The following SCFD2 variants were observed in gnomAD, a reference collection of about 807,000 sequenced individuals.
SCFD2 encodes sec1 family domain-containing protein 2.
In SCFD2, 54 loss-of-function variants were observed where a neutral mutation model predicts 58.9. The ratio of observed to expected loss-of-function variants is 0.92; its 90% CI spans 0.74 to 1.15. SCFD2 has a LOEUF of 1.15. Ranked by LOEUF, SCFD2 falls within the 50% of genes most tolerant of loss-of-function variation. SCFD2 has a pLI of 0.00. For synonymous variants in SCFD2, 321 were observed against 335.9 expected (o/e 0.96, Z 0.49); for missense variants, 805 against 836.6 (o/e 0.96, Z 0.47).
intron 2 of SCFD2, among the ~76,000 whole-genome samples, chr4:53,321,228 T>C (rs1733012851): frequency 1.3e-5 from 2 of 152,152 alleles, no homozygotes; most frequent in African/African-American, 4.8e-5. Context: ...TGGCTCTTTA[T>C]TCACCAGAAT....
At chr4:53,195,591 C>T (rs1728035362) in intron 4 of SCFD2, among the ~76,000 whole-genome samples, 2 of 152,226 alleles carry the variant, frequency 1.3e-5, no homozygotes, top group South Asian at 4.2e-4. Context: ...TTTTAAGGTG[C>T]ATTTAAAATA....
intron 5 of SCFD2, among the ~76,000 whole-genome samples, chr4:53,096,459 T>A (rs1724638182): frequency 6.6e-6 from 1 of 152,250 alleles, no homozygotes; most frequent in Non-Finnish European, 1.5e-5. Context: ...TGCATTTCTC[T>A]GATGGCCAGT....
chr4:53,084,403 G>A (rs1335408177), intron 5 of SCFD2, among the ~76,000 whole-genome samples: 1 of 151,928 alleles, frequency 6.6e-6, no homozygotes, highest in Non-Finnish European at 1.5e-5. Flanking sequence ...CATAAAAATC[G>A]CTGTTATTCT....
At chr4:53,292,423 T>C (rs1172224335) in intron 3 of SCFD2, among the ~76,000 whole-genome samples, 2 of 152,118 alleles carry the variant, frequency 1.3e-5, no homozygotes, top group African/African-American at 2.4e-5. Flanking sequence ...AAAGAAGACA[T>C]ACATGCAGCC....
At chr4:53,212,575 C>CGTGTGTGTGTGTGT (rs72335886) in intron 4 of SCFD2, among the ~76,000 whole-genome samples, 93 of 142,262 alleles carry the variant, frequency 6.5e-4, no homozygotes, top group Non-Finnish European at 1.1e-3. Flanking sequence ...AAAGTGAGCA[C>CGTGTGTGTGTGTGT]GTGTGTGTGT....
chr4:53,301,761 G>T (rs1208179898), intron 3 of SCFD2, among the ~76,000 whole-genome samples: 1 of 152,150 alleles, frequency 6.6e-6, no homozygotes, highest in African/African-American at 2.4e-5. Context: ...CCATGATCAA[G>T]TGGGCTTCAT....
chr4:53,162,869 AT>A (rs1227178689), intron 4 of SCFD2, among the ~76,000 whole-genome samples: 7 of 151,680 alleles, frequency 4.6e-5, no homozygotes, highest in Admixed American at 2.0e-4. Context: ...ATAAAATAAA[AT>A]AAAAAATAAA....
chr4:53,103,632 A>G (rs912192717), intron 5 of SCFD2, among the ~76,000 whole-genome samples: 5 of 149,278 alleles, frequency 3.3e-5, no homozygotes, highest in Non-Finnish European at 7.4e-5. Flanking sequence ...AGCAATGAGC[A>G]TATCTAGTAC....
At chr4:53,266,991 C>T (rs756430977) in intron 4 of SCFD2, among the ~76,000 whole-genome samples, 2 of 152,212 alleles carry the variant, frequency 1.3e-5, no homozygotes, top group Non-Finnish European at 2.9e-5. Flanking sequence ...ACAAATCTTA[C>T]AAATAGTCCT....
intron 5 of SCFD2, among the ~76,000 whole-genome samples, chr4:53,034,946 A>C (rs962795194): frequency 6.6e-6 from 1 of 152,244 alleles, no homozygotes; most frequent in African/African-American, 2.4e-5. Flanking sequence ...GCCTCCACTG[A>C]CTTTCTTCAC....
intron 3 of SCFD2, among the ~76,000 whole-genome samples, chr4:53,292,897 G>A (rs138282847): frequency 0.015 from 2,272 of 152,058 alleles, 56 homozygotes; most frequent in African/African-American, 0.052. Flanking sequence ...GAGGGAGAGC[G>A]TTAGGACAAA....
chr4:52,893,542 T>A (rs1424409211), intron 7 of SCFD2, among the ~76,000 whole-genome samples: 1 of 152,098 alleles, frequency 6.6e-6, no homozygotes, highest in African/African-American at 2.4e-5. Context: ...ATCTGTCCAA[T>A]CCACAAGCCA....
intron 4 of SCFD2, among the ~76,000 whole-genome samples, chr4:53,156,693 G>A (rs184047775): frequency 7.4e-4 from 113 of 152,312 alleles, no homozygotes; most frequent in East Asian, 1.7e-3. Context: ...GTGAGACTCC[G>A]TCTCAAAACA....
chr4:53,003,430 C>T (rs573428970), intron 5 of SCFD2, among the ~76,000 whole-genome samples: 2 of 152,284 alleles, frequency 1.3e-5, no homozygotes, highest in African/African-American at 4.8e-5. Context: ...TGCTCAATAG[C>T]CATCTATGGG....
At chr4:53,162,293 G>A (rs7680828) in intron 4 of SCFD2, among the ~76,000 whole-genome samples, 148,854 of 152,208 alleles carry the variant, frequency 0.98, 72,884 homozygotes, top group Middle Eastern at 1. Flanking sequence ...GAAGATGAGA[G>A]TCTAAATTTT....
intron 8 of SCFD2, among the ~76,000 whole-genome samples, chr4:52,876,451 TAAG>T (rs1323873532): frequency 6.6e-6 from 1 of 152,130 alleles, no homozygotes; most frequent in Non-Finnish European, 1.5e-5. Context: ...AGACCACAAT[TAAG>T]AAGCCCTTTT....
chr4:52,946,841 A>G (rs1256225731), intron 5 of SCFD2, among the ~76,000 whole-genome samples: 1 of 152,124 alleles, frequency 6.6e-6, no homozygotes, highest in Non-Finnish European at 1.5e-5. Flanking sequence ...GAAAGCTGGG[A>G]GGATCAGGAA....
chr4:53,125,312 G>C (rs983812342), intron 5 of SCFD2, among the ~76,000 whole-genome samples: 36 of 152,212 alleles, frequency 2.4e-4, no homozygotes, highest in African/African-American at 7.2e-4. Context: ...ATCCTGAGGA[G>C]AGAATACAGA....
intron 5 of SCFD2, among the ~76,000 whole-genome samples, chr4:52,967,646 C>T (rs1720991892): frequency 6.6e-6 from 1 of 152,198 alleles, no homozygotes; most frequent in African/African-American, 2.4e-5. Flanking sequence ...TCTCTGTACT[C>T]CTGATAAGAC....
Sources: gnomAD v4.1 joint callset for allele counts (sites outside exome capture counted in the v4.1 genomes callset) on GRCh38, gnomAD v4.1.1 for gene constraint, MANE v1.5 for transcripts, NCBI Gene and HGNC (gene_info 2026-07-23, HGNC 2026-07-21) for gene names.